Variants in MARCHF6 observed in about 807,000 individuals in gnomAD.
The protein encoded by MARCHF6 is E3 ubiquitin-protein ligase MARCHF6.
A neutral mutation model predicts 133.7 loss-of-function variants in MARCHF6; 31 were observed. That is an observed-to-expected ratio of 0.23 (90% CI 0.17 to 0.31). The LOEUF (loss-of-function observed/expected upper bound fraction) is 0.31. MARCHF6 is among the 10% of genes least tolerant of loss of function. The pLI, the probability that MARCHF6 is intolerant of heterozygous loss-of-function variation, is 1.00. For synonymous variants in MARCHF6, 395 were observed against 402.5 expected (o/e 0.98, Z 0.22); for missense variants, 723 against 1,121.6 (o/e 0.64, Z 5.08).
At chr5:10,411,055 C>CT (rs1561139311) in intron 18 of MARCHF6, among the ~76,000 whole-genome samples, 1 of 151,984 alleles carries the variant, frequency 6.6e-6, no homozygotes. Context: ...GTACATTGTA[C>CT]TTTTTTCTTT....
chr5:10,427,898 C>A (rs2126355679), intron 24 of MARCHF6, among the ~76,000 whole-genome samples: 1 of 152,108 alleles, frequency 6.6e-6, no homozygotes, highest in South Asian at 2.1e-4. Flanking sequence ...CGAGACCCAA[C>A]CTCTAAAAAA....
chr5:10,386,003 T>C (rs1434608891), intron 4 of MARCHF6, among the ~76,000 whole-genome samples: 2 of 152,140 alleles, frequency 1.3e-5, no homozygotes, highest in South Asian at 2.1e-4. Context: ...GGTCTTTCCA[T>C]GTACGTGAGT....
rs2126386429 is a variant in MARCHF6 at position 10,434,113 on chromosome 5, A to G, written c.*429A>G. On this transcript the variant is annotated 3_prime_UTR_variant, in exon 26 of 26. Coordinates refer to ENST00000274140, the MANE Select transcript of MARCHF6 (RefSeq NM_005885.4). ...AGTTCATGATGTCCTAGCAGCTCTC[A>G]CTAAGGGAACTGTACATTCTTTCTT... 6.1e-6 allele frequency: 1 copy of G among 164,588 alleles called. No homozygotes were observed. Among genetic ancestry groups the G allele is most frequent in the East Asian group, 1.8e-4 (1 of 5,598 alleles). The allele number at this position is 164,588 out of a possible 1,614,324, so 10.2% of individuals were successfully genotyped here. A position where few individuals can be genotyped will look rare whatever the true frequency, so the allele number is the denominator to read the frequency against.
intron 5 of MARCHF6, 93 bp from the exon 6 acceptor site, chr5:10,390,239 T>TC (rs1428090926): frequency 5.3e-6 from 5 of 947,554 alleles, no homozygotes; most frequent in Non-Finnish European, 8.0e-6. Context: ...TTTTTTTTTT[T>TC]TCTGAGACTT....
intron 3 of MARCHF6, among the ~76,000 whole-genome samples, chr5:10,380,474 A>T (rs182802797): frequency 3.9e-5 from 6 of 152,290 alleles, no homozygotes; most frequent in Admixed American, 3.9e-4. Context: ...AGGCCAATAG[A>T]AGCTTGTTTT....
Position 10,430,222 on chromosome 5 carries a change from G to A in MARCHF6, c.2642+194G>A, listed in dbSNP as rs1740296939. Among the ~76,000 whole-genome samples the A allele has an allele frequency of 3.3e-5, 5 of 151,666 alleles. No individual in the cohort carries two copies. The South Asian group carries it at 1.0e-3, about 32-fold the overall frequency. On this transcript the variant is annotated intron_variant, in intron 25 of 25. Coordinates refer to ENST00000274140, the MANE Select transcript of MARCHF6 (RefSeq NM_005885.4). ...AAGGACTTAGTTGGCCCAAACACAG[G>A]GAATATGGAGTTGTCATTTATGGAG...
chr5:10,415,813 T>A, intron 21 of MARCHF6, 144 bp downstream of exon 21: 1 of 696,068 alleles, frequency 1.4e-6, no homozygotes, highest in East Asian at 2.7e-5. Flanking sequence ...GAAGAAATAC[T>A]CTTTCAAGAT....
At chr5:10,407,831 C>T (rs1433694028) in intron 17 of MARCHF6, among the ~76,000 whole-genome samples, 1 of 152,140 alleles carries the variant, frequency 6.6e-6, no homozygotes, top group Non-Finnish European at 1.5e-5. Context: ...TGGCGCATGC[C>T]TGTAATCCCA....
intron 24 of MARCHF6, among the ~76,000 whole-genome samples, chr5:10,428,602 A>G (rs1208091385): frequency 7.2e-5 from 11 of 152,156 alleles, no homozygotes; most frequent in Non-Finnish European, 1.3e-4. Context: ...TCGGCCGCCC[A>G]GAGTGCTGGG....
intron 22 of MARCHF6, among the ~76,000 whole-genome samples, chr5:10,419,081 G>T (rs1046331730): frequency 1.3e-5 from 2 of 152,146 alleles, no homozygotes; most frequent in Admixed American, 6.5e-5. Context: ...TTCTAGTCTG[G>T]TTCATAGACT....
chr5:10,390,269 A>G, intron 5 of MARCHF6, 63 bp from the exon 6 acceptor site: 1 of 1,341,936 alleles, frequency 7.5e-7, no homozygotes, highest in Non-Finnish European at 1.0e-6. Flanking sequence ...AAAATTTTTT[A>G]CCTTTGTTTT....
At chr5:10,431,398 C>T (rs571513984) in intron 25 of MARCHF6, among the ~76,000 whole-genome samples, 1 of 152,314 alleles carries the variant, frequency 6.6e-6, no homozygotes, top group East Asian at 1.9e-4. Flanking sequence ...CCCTGCCCTT[C>T]TCAGCCTTTG....
At chr5:10,382,288 T>C (rs1216310132) in intron 4 of MARCHF6, among the ~76,000 whole-genome samples, 2 of 152,134 alleles carry the variant, frequency 1.3e-5, no homozygotes, top group African/African-American at 4.8e-5. Flanking sequence ...CTTATGCCTG[T>C]AATCCCAGCA....
chr5:10,380,890 G>A (rs1407024794), intron 3 of MARCHF6, among the ~76,000 whole-genome samples: 3 of 149,612 alleles, frequency 2.0e-5, no homozygotes, highest in South Asian at 4.2e-4. Context: ...TTATGCCACC[G>A]CACTCCAGCC....
Position 10,394,798 on chromosome 5 carries a change from A to ATTT in MARCHF6, c.861+13_861+14insTTT. 2.0e-6 allele frequency: 3 copies of ATTT among 1,494,168 alleles called. No individual in the cohort carries two copies. The highest frequency in any genetic ancestry group is 2.7e-6 in the Non-Finnish European group (3 of 1,097,710). 92.6% of individuals were successfully genotyped at this position (1,494,168 alleles called of 1,614,324 possible). A position where few individuals can be genotyped will look rare whatever the true frequency, so the allele number is the denominator to read the frequency against. On this transcript the variant is annotated intron_variant, in intron 9 of 25. Transcript: ENST00000274140. ...ACTAGTTTTTCTGGTAAGTAAAACT[A>ATTT]ATTTTTTTTTTTTTTTTTTGAGACG...
At chr5:10,412,795 C>T (rs983339389) in intron 19 of MARCHF6, among the ~76,000 whole-genome samples, 1 of 152,156 alleles carries the variant, frequency 6.6e-6, no homozygotes, top group Non-Finnish European at 1.5e-5. Flanking sequence ...AGGCTGTTCT[C>T]AAACTCCTAG....
Position 10,411,119 on chromosome 5 carries a change from A to T in MARCHF6, c.1692-214A>T, listed in dbSNP as rs530431674. Reference sequence around the variant, plus strand: ...CTGAAGAAAACGTAAAATAGGTTGAATTTATGGGATATCCTACAAGTTCAT... The same window carrying T: ...CTGAAGAAAACGTAAAATAGGTTGATTTTATGGGATATCCTACAAGTTCAT... On this transcript the variant is annotated intron_variant, in intron 18 of 25. Coordinates refer to ENST00000274140, the MANE Select transcript of MARCHF6 (RefSeq NM_005885.4). Among the ~76,000 whole-genome samples, 5 of 152,308 alleles carry T rather than the reference A, an allele frequency of 3.3e-5. No individual in the cohort carries two copies. The South Asian group carries it at 1.0e-3, about 32-fold the overall frequency.
chr5:10,383,553 G>A (rs1332767027), intron 4 of MARCHF6, among the ~76,000 whole-genome samples: 2 of 152,094 alleles, frequency 1.3e-5, no homozygotes, highest in East Asian at 3.8e-4. Flanking sequence ...AGAAGACAAT[G>A]GAAACTCAAA....
At chr5:10,399,290 T>A (rs1360463105) in intron 10 of MARCHF6, among the ~76,000 whole-genome samples, 1 of 152,016 alleles carries the variant, frequency 6.6e-6, no homozygotes, top group Non-Finnish European at 1.5e-5. Flanking sequence ...ACACACAATA[T>A]GTTAGTAAAC....
Sources: gnomAD v4.1 joint callset for allele counts (sites outside exome capture counted in the v4.1 genomes callset) on GRCh38, gnomAD v4.1.1 for gene constraint, MANE v1.5 for transcripts, NCBI Gene and HGNC (gene_info 2026-07-23, HGNC 2026-07-21) for gene names.